Variants in PPM1E observed in about 807,000 individuals in gnomAD.
The protein encoded by PPM1E is protein phosphatase 1E.
PPM1E carries 20 observed loss-of-function variants against 65.9 expected under a neutral mutation model. The ratio of observed to expected loss-of-function variants is 0.30; its 90% confidence interval spans 0.21 to 0.44. The LOEUF is 0.44. Ranked by LOEUF, PPM1E falls within the 20% of genes least tolerant of loss-of-function variation. PPM1E has a pLI of 1.00. For synonymous variants in PPM1E, 352 were observed against 374.9 expected, an observed-to-expected ratio of 0.94 and a Z score of 0.70; for missense variants, 713 against 953.1, an observed-to-expected ratio of 0.75 and a Z score of 3.32.
Position 58,845,042 on chromosome 17 carries a change from A to G in PPM1E, c.464+88581A>G, listed in dbSNP as rs2050757339. ...ATTGCAGTCTGGGAATGGCATAGTC[A>G]CTTTCCTCCATTATGGTAAGCTTTG... On this transcript the variant is annotated intron_variant, in intron 1 of 6. Coordinates refer to ENST00000308249, the MANE Select transcript of PPM1E (RefSeq NM_014906.5). Among the ~76,000 whole-genome samples the G allele has an allele frequency of 2.0e-5, 3 of 152,196 alleles. No individual in the cohort carries two copies. In the South Asian group the frequency reaches 6.2e-4, roughly 32 times the overall value.
intron 1 of PPM1E, among the ~76,000 whole-genome samples, chr17:58,825,019 G>C (rs1012273149): frequency 5.3e-5 from 8 of 151,910 alleles, no homozygotes; most frequent in African/African-American, 1.7e-4. Context: ...TGGAAACTTG[G>C]GGGGAAGAGT....
chr17:58,865,781 A>G (rs1167722675), intron 1 of PPM1E, among the ~76,000 whole-genome samples: 1 of 152,228 alleles, frequency 6.6e-6, no homozygotes, highest in Non-Finnish European at 1.5e-5. Flanking sequence ...CAGTCTCTTG[A>G]TTAGCTATTC....
Position 58,848,247 on chromosome 17 carries a change from T to C in PPM1E, c.464+91786T>C, listed in dbSNP as rs559395226. Among the ~76,000 whole-genome samples, 25 of 152,320 alleles carry C rather than the reference T, an allele frequency of 1.6e-4. 1 individual carries two copies. The East Asian group carries it at 4.8e-3, about 29-fold the overall frequency. ...GGGACAATTTGACTTCCTCTTTTCC[T>C]AATTGAATACGCTTTATTTCCTTCT... On this transcript the variant is annotated intron_variant, in intron 1 of 6. Transcript: ENST00000308249.
chr17:58,834,420 T>C (rs1261567361), intron 1 of PPM1E, among the ~76,000 whole-genome samples: 1 of 152,218 alleles, frequency 6.6e-6, no homozygotes, highest in Non-Finnish European at 1.5e-5. Context: ...ATTTATTAAT[T>C]TTTTCCTTTA....
At chr17:58,845,447 T>C (rs1217635046) in intron 1 of PPM1E, among the ~76,000 whole-genome samples, 3 of 152,118 alleles carry the variant, frequency 2.0e-5, no homozygotes, top group African/African-American at 7.2e-5. Flanking sequence ...CCAGAACTCT[T>C]TTCATTTTGC....
intron 4 of PPM1E, among the ~76,000 whole-genome samples, chr17:58,970,583 T>C (rs2030540342): frequency 6.6e-6 from 1 of 152,208 alleles, no homozygotes; most frequent in Non-Finnish European, 1.5e-5. Context: ...AGCATAGTTA[T>C]GCTACAAGCA....
chr17:58,905,214 T>C (rs927881836), intron 1 of PPM1E, among the ~76,000 whole-genome samples: 4 of 152,232 alleles, frequency 2.6e-5, no homozygotes, highest in African/African-American at 9.6e-5. Flanking sequence ...TCTTGTCTTA[T>C]TGCATTAACT....
chr17:58,934,109 A>AT (rs1218275635), intron 1 of PPM1E, among the ~76,000 whole-genome samples: 1 of 146,038 alleles, frequency 6.8e-6, no homozygotes, highest in Non-Finnish European at 1.5e-5. Flanking sequence ...AAAAAAAAAA[A>AT]GAGAGATGGA....
chr17:58,758,409 TC>T (rs2049790108), intron 1 of PPM1E, among the ~76,000 whole-genome samples: 1 of 151,498 alleles, frequency 6.6e-6, no homozygotes, highest in Non-Finnish European at 1.5e-5. Context: ...GCGCCTGTAA[TC>T]CCAGATACTC....
chr17:58,858,661 C>A (rs2050908644), intron 1 of PPM1E, among the ~76,000 whole-genome samples: 1 of 152,062 alleles, frequency 6.6e-6, no homozygotes, highest in South Asian at 2.1e-4. Flanking sequence ...CTTTTTCAGG[C>A]TGAATAGTAT....
rs1429279208 is a variant in PPM1E at position 58,756,314 on chromosome 17, C to T, written c.317C>T (p.Ala106Val). The part of the protein sequence containing the change: ...EEEEEGAATA[A>V]AAPGHSAVPP... ...GAGGAGGAGGGCGCGGCGACGGCGGCGGCAGCCCCGGGGCACTCGGCCGTG... is the reference window on the plus strand; with the variant it reads ...GAGGAGGAGGGCGCGGCGACGGCGGTGGCAGCCCCGGGGCACTCGGCCGTG... The change falls in exon 1 of 7, where the codon GCG becomes GTG. Residue 106 changes from alanine to valine, a missense_variant. By Grantham distance (64) the Ala-to-Val change is moderately conservative. Coordinates refer to ENST00000308249, the MANE Select transcript of PPM1E (RefSeq NM_014906.5). The T allele has an allele frequency of 2.0e-6, 3 of 1,503,400 alleles. No homozygotes were observed. Among genetic ancestry groups the T allele is most frequent in the African/African-American group, 2.8e-5 (2 of 70,262 alleles). 93.1% of individuals were successfully genotyped at this position (1,503,400 alleles called of 1,614,324 possible). A position where few individuals can be genotyped will look rare whatever the true frequency, so the allele number is the denominator to read the frequency against.
chr17:58,878,637 A>G (rs2051154246), intron 1 of PPM1E, among the ~76,000 whole-genome samples: 1 of 151,406 alleles, frequency 6.6e-6, no homozygotes, highest in Non-Finnish European at 1.5e-5. Flanking sequence ...TTCTGAAGAA[A>G]ACTAACTTTT....
intron 1 of PPM1E, among the ~76,000 whole-genome samples, chr17:58,768,227 C>T (rs1251240229): frequency 6.6e-6 from 1 of 152,130 alleles, no homozygotes; most frequent in African/African-American, 2.4e-5. Context: ...GCTAGGACTA[C>T]AGGCATGAGC....
intron 1 of PPM1E, among the ~76,000 whole-genome samples, chr17:58,949,563 A>G (rs2052207937): frequency 6.6e-6 from 1 of 152,020 alleles, no homozygotes; most frequent in African/African-American, 2.4e-5. Context: ...CCAGACATTT[A>G]TTGACTGTTT....
At chr17:58,773,477 C>T (rs553735284) in intron 1 of PPM1E, among the ~76,000 whole-genome samples, 2 of 152,276 alleles carry the variant, frequency 1.3e-5, no homozygotes, top group East Asian at 3.9e-4. Context: ...AAGAATTTCC[C>T]TGAGGTCAGG....
In PPM1E at chr17:58,925,960, G is replaced by T. The variant is rs919998838; in HGVS notation, c.465-29689G>T. Among the ~76,000 whole-genome samples the T allele has an allele frequency of 8.6e-4, 131 of 152,230 alleles. 1 individual carries two copies. The highest frequency in any genetic ancestry group is 3.0e-3 in the African/African-American group (124 of 41,522). On this transcript the variant is annotated intron_variant, in intron 1 of 6. Coordinates refer to ENST00000308249, the MANE Select transcript of PPM1E (RefSeq NM_014906.5). ...CTTACATTCTCATCAACAGTGTATGGATGTCCTAGTTTCTCTATACTGTTC... is the reference window on the plus strand; with the variant it reads ...CTTACATTCTCATCAACAGTGTATGTATGTCCTAGTTTCTCTATACTGTTC...
chr17:58,816,970 G>A (rs1256197237), intron 1 of PPM1E, among the ~76,000 whole-genome samples: 2 of 150,508 alleles, frequency 1.3e-5, no homozygotes, highest in Non-Finnish European at 3.0e-5. Flanking sequence ...TAATTTTTTT[G>A]TATTTCTGGT....
intron 1 of PPM1E, among the ~76,000 whole-genome samples, chr17:58,922,518 T>A (rs2051765625): frequency 1.3e-5 from 2 of 152,058 alleles, no homozygotes; most frequent in African/African-American, 4.8e-5. Flanking sequence ...TCTCCTAAAG[T>A]GTTGGGATTG....
At chr17:58,828,885 T>A (rs1331170266) in intron 1 of PPM1E, among the ~76,000 whole-genome samples, 1 of 152,204 alleles carries the variant, frequency 6.6e-6, no homozygotes, top group Admixed American at 6.5e-5. Flanking sequence ...AGATAAAGAT[T>A]TAACAATTTT....
Sources: gnomAD v4.1 joint callset for allele counts (sites outside exome capture counted in the v4.1 genomes callset) on GRCh38, gnomAD v4.1.1 for gene constraint, MANE v1.5 for transcripts, NCBI Gene and HGNC (gene_info 2026-07-23, HGNC 2026-07-21) for gene names.